Variants in SRRD observed in about 807,000 individuals in gnomAD.
SRRD encodes SRR1-like protein.
Under a neutral mutation model 30.7 loss-of-function variants are expected in SRRD, and 28 were observed. That is an observed-to-expected ratio of 0.91 (90% CI 0.68 to 1.25). The LOEUF (loss-of-function observed/expected upper bound fraction) is 1.25, where lower values mean the gene tolerates loss of function less well. SRRD is among the 50% of genes most tolerant of loss of function. The pLI is 0.00. For synonymous variants in SRRD, 161 were observed against 159.6 expected (o/e 1.01, Z -0.07); for missense variants, 415 against 417.3 (o/e 0.99, Z 0.05).
In SRRD at chr22:26,491,491, T is replaced by C. The variant is rs769586175; in HGVS notation, c.839T>C (p.Phe280Ser). ...KILKGLEELE[F>S]PQTSQYMDIF... ...TTAAAAGGACTGGAGGAGCTTGAGT[T>C]TCCTCAGACTTCACAATACATGGAC... Residue 280 changes from phenylalanine (F) to serine (S), a missense_variant, in exon 7 of 7, where the codon TTT becomes TCT. Coordinates refer to ENST00000215917, the MANE Select transcript of SRRD (RefSeq NM_001013694.3). 1 of 1,613,622 alleles carries C rather than the reference T, an allele frequency of 6.2e-7. No homozygotes were observed. The highest frequency in any genetic ancestry group is 2.2e-5 in the East Asian group (1 of 44,884).
intron 1 of SRRD, among the ~76,000 whole-genome samples, chr22:26,485,499 A>G (rs2091689725): frequency 6.6e-6 from 1 of 152,224 alleles, no homozygotes; most frequent in African/African-American, 2.4e-5. Flanking sequence ...TGACTTGAAT[A>G]AAGAAAGCCC....
chr22:26,494,248 G>A lies in SRRD; in HGVS notation c.*2576G>A, dbSNP rs778682484. On this transcript the variant is annotated 3_prime_UTR_variant, in exon 7 of 7. Transcript: ENST00000215917. ...CTGAGAACATCGACTTCCAACCCAG[G>A]TACCACTTGGTGATCTCCTCATAAT... is the stretch of plus-strand genomic sequence containing the variant. The A allele has an allele frequency of 3.1e-6, 5 of 1,614,162 alleles. No individual in the cohort carries two copies. Among genetic ancestry groups the A allele is most frequent in the South Asian group, 1.1e-5 (1 of 91,084 alleles).
intron 1 of SRRD, 98 bp from the exon 2 acceptor site, chr22:26,485,925 C>T (rs2091705408): frequency 2.1e-6 from 3 of 1,447,162 alleles, no homozygotes; most frequent in African/African-American, 1.4e-5. Context: ...TTGCAGGGCA[C>T]CTCATTCTGT....
At position 26,490,218 on chromosome 22, in the gene SRRD, G is replaced by A. The variant is rs1421943439; in HGVS notation, c.764+20G>A. ...GGAGAGGTAAGTCTGAGAATGCTGA[G>A]ATTCTGTCAGGCCCTGAGGTGAAGC... On this transcript the variant is annotated intron_variant, in intron 5 of 6. Transcript: ENST00000215917. 1.2e-6 allele frequency: 2 copies of A among 1,613,714 alleles called. No homozygotes were observed. The highest frequency in any genetic ancestry group is 1.7e-5 in the Admixed American group (1 of 59,984).
intron 2 of SRRD, 113 bp downstream of exon 2, chr22:26,486,176 G>A (rs5761561): frequency 0.47 from 553,610 of 1,177,764 alleles, 131,224 homozygotes; most frequent in Non-Finnish European, 0.48. Flanking sequence ...AACGCCGCCC[G>A]CCCCTTACAG....
intron 5 of SRRD, among the ~76,000 whole-genome samples, chr22:26,490,595 A>C (rs1921044463): frequency 2.3e-5 from 1 of 42,836 alleles, no homozygotes; most frequent in Admixed American, 4.0e-4. Context: ...ATGGAGTCTC[A>C]CTCTGTCCCC....
Position 26,491,709 on chromosome 22 carries a change from A to G in SRRD, c.*37A>G. On this transcript the variant is annotated 3_prime_UTR_variant, in exon 7 of 7. Transcript: ENST00000215917. ...GGTACTCAGTGTTGGCTGAGGTAGAAGCTGCCACCAGAGACTAAAGGGAAG... is the reference window on the plus strand; with the variant it reads ...GGTACTCAGTGTTGGCTGAGGTAGAGGCTGCCACCAGAGACTAAAGGGAAG... The G allele has an allele frequency of 6.4e-7, 1 of 1,566,358 alleles. No homozygotes were observed. The highest frequency in any genetic ancestry group is 1.1e-5 in the South Asian group (1 of 89,618).
chr22:26,493,979 G>T lies in SRRD; in HGVS notation c.*2307G>T. 1 of 740,916 alleles carries T rather than the reference G, an allele frequency of 1.3e-6. No homozygotes were observed. Among genetic ancestry groups the T allele is most frequent in the Non-Finnish European group, 2.2e-6 (1 of 463,846 alleles). The allele number at this position is 740,916 out of a possible 1,614,324, so 45.9% of individuals were successfully genotyped here. On this transcript the variant is annotated 3_prime_UTR_variant, in exon 7 of 7. Transcript: ENST00000215917. ...TGGGCAGTGGGTGCCAGCTGACCAT[G>T]TACCCCAGTCAGCAGGGTGAGAGTC...
In SRRD at chr22:26,488,495, G is replaced by A. The variant is rs2091725541; in HGVS notation, c.609+7G>A. On this transcript the variant is annotated splice_region_variant and intron_variant, in intron 4 of 6. Transcript: ENST00000215917. ...TGTTCTCAGTGAGAACGAGGTAAGT[G>A]GTTTAAAGGGGAGCAGACAGAACTG... 1.2e-6 allele frequency: 2 copies of A among 1,603,582 alleles called. No homozygotes were observed. Among genetic ancestry groups the A allele is most frequent in the Non-Finnish European group, 1.7e-6 (2 of 1,170,372 alleles).
In SRRD at chr22:26,488,073, G is replaced by A. The variant is rs4820682; in HGVS notation, c.295G>A (p.Ala99Thr). The change falls in exon 3 of 7, where the codon GCC (alanine) becomes ACC (threonine). Residue 99 changes from alanine (A) to threonine (T), a missense_variant. By Grantham distance (58) the Ala-to-Thr change is moderately conservative (BLOSUM62 0). Coordinates refer to ENST00000215917, the MANE Select transcript of SRRD (RefSeq NM_001013694.3). Reference sequence around the variant, plus strand: ...CACAAAACATCTGGAACAACTGAAGGCCCCTGTGGGGACTCTTTCAGACAT... The same window carrying A: ...CACAAAACATCTGGAACAACTGAAGACCCCTGTGGGGACTCTTTCAGACAT... ...CLTKHLEQLK[A>T]PVGTLSDIFG... The A allele has an allele frequency of 0.87, 1,409,633 of 1,613,368 alleles. 618,201 individuals carry two copies. The highest frequency in any genetic ancestry group is 0.9 in the South Asian group (82,268 of 90,934).
chr22:26,494,583 T>G lies in SRRD; in HGVS notation c.*2911T>G. ...ACCCCATAGGGTTGCTGAGAGGAGCTGAGATAAAGCAAATAAAGTGCTTGG... is the reference window on the plus strand; with the variant it reads ...ACCCCATAGGGTTGCTGAGAGGAGCGGAGATAAAGCAAATAAAGTGCTTGG... On this transcript the variant is annotated 3_prime_UTR_variant, in exon 7 of 7. Coordinates refer to ENST00000215917, the MANE Select transcript of SRRD (RefSeq NM_001013694.3). 1.3e-6 allele frequency: 1 copy of G among 750,588 alleles called. No homozygotes were observed. The highest frequency in any genetic ancestry group is 2.1e-6 in the Non-Finnish European group (1 of 473,194). 46.5% of individuals were successfully genotyped at this position (750,588 alleles called of 1,614,324 possible).
chr22:26,488,541 A>C (rs1602182316), intron 4 of SRRD, 53 bp downstream of exon 4: 2 of 1,382,128 alleles, frequency 1.4e-6, no homozygotes, highest in Non-Finnish European at 2.1e-6. Flanking sequence ...GACCAGACTC[A>C]CCCCAGGCCC....
rs1307478778 is a variant in SRRD, at chr22:26,493,107, A to C, written c.*1435A>C. The C allele has an allele frequency of 6.6e-6, 1 of 151,354 alleles. No individual in the cohort carries two copies. Among genetic ancestry groups the C allele is most frequent in the Non-Finnish European group, 1.5e-5 (1 of 67,936 alleles). 9.4% of individuals were successfully genotyped at this position (151,354 alleles called of 1,614,324 possible). ...AGTGCTTGCAATCTCGGCTCACTAC[A>C]ACCTCTGCCTCCCAGGTTTAAGCGA... is the stretch of plus-strand genomic sequence containing the variant. On this transcript the variant is annotated 3_prime_UTR_variant, in exon 7 of 7. Transcript: ENST00000215917.
intron 2 of SRRD, 151 bp from the exon 3 acceptor site, chr22:26,487,878 A>T: frequency 1.2e-6 from 1 of 805,816 alleles, no homozygotes; most frequent in Non-Finnish European, 1.9e-6. Flanking sequence ...TTTGGGAATG[A>T]GGCTGGCAGC....
In SRRD at chr22:26,490,192, A is replaced by G; in HGVS notation, c.758A>G (p.Glu253Gly). 6.2e-7 allele frequency: 1 copy of G among 1,614,122 alleles called. No homozygotes were observed. The highest frequency in any genetic ancestry group is 2.2e-5 in the East Asian group (1 of 44,880). ...VIIGNSFKGL[E>G]ERLLARILQK... ...ATTGGGAACAGTTTCAAAGGACTTG[A>G]GGAGAGGTAAGTCTGAGAATGCTGA... Residue 253 changes from glutamate to glycine, a missense_variant, in exon 5 of 7, where the codon GAG (glutamate) becomes GGG (glycine). Physicochemically the swap from Glu to Gly is moderately conservative, Grantham distance 98. Coordinates refer to ENST00000215917, the MANE Select transcript of SRRD (RefSeq NM_001013694.3).
intron 2 of SRRD, among the ~76,000 whole-genome samples, chr22:26,487,207 C>T (rs1034869977): frequency 2.0e-5 from 3 of 152,038 alleles, no homozygotes; most frequent in African/African-American, 7.2e-5. Flanking sequence ...AGGTGTGAGC[C>T]ACCATGCCTG....
Position 26,491,481 on chromosome 22 carries a change from G to A in SRRD, c.829G>A (p.Glu277Lys), listed in dbSNP as rs1364532561. 1 of 1,613,224 alleles carries A rather than the reference G, an allele frequency of 6.2e-7. No individual in the cohort carries two copies. The highest frequency in any genetic ancestry group is 8.5e-7 in the Non-Finnish European group (1 of 1,179,886). Residue 277 changes from glutamate to lysine, a missense_variant, in exon 7 of 7, where the codon GAG becomes AAG. By Grantham distance (56) the Glu-to-Lys change is moderately conservative. Coordinates refer to ENST00000215917, the MANE Select transcript of SRRD (RefSeq NM_001013694.3). ...YIAKILKGLE[E>K]LEFPQTSQYM... ...TGCTCAGATTTTAAAAGGACTGGAG[G>A]AGCTTGAGTTTCCTCAGACTTCACA...
chr22:26,484,067 C>G lies in SRRD; in HGVS notation c.177C>G (p.Ser59Arg). ...RGPEAEFESD[S>R]GVVLRRIWEA... ...CCGAGGCGGAGTTCGAGTCTGACAG[C>G]GGAGTCGTGCTTCGTCGCATCTGGG... The change falls in exon 1 of 7, where the codon AGC (serine) becomes AGG (arginine). Residue 59 changes from serine to arginine, a missense_variant. Ser to Arg is a moderately radical substitution (Grantham distance 110). Coordinates refer to ENST00000215917, the MANE Select transcript of SRRD (RefSeq NM_001013694.3). 1 of 1,493,112 alleles carries G rather than the reference C, an allele frequency of 6.7e-7. No homozygotes were observed. The allele number at this position is 1,493,112 out of a possible 1,614,324, so 92.5% of individuals were successfully genotyped here.
intron 2 of SRRD, 140 bp from the exon 3 acceptor site, chr22:26,487,889 T>TTC (rs982045894): frequency 3.8e-5 from 34 of 889,628 alleles, no homozygotes; most frequent in Middle Eastern, 6.9e-4. Context: ...GGCTGGCAGC[T>TTC]TCTCTCTCTC....
Sources: allele counts gnomAD v4.1 joint callset (sites outside exome capture counted in the v4.1 genomes callset), GRCh38; gene constraint gnomAD v4.1.1; transcripts MANE v1.5; gene names NCBI Gene and HGNC (gene_info 2026-07-23, HGNC 2026-07-21).